Variants in SLC15A2 observed in about 807,000 individuals in gnomAD.
SLC15A2 encodes solute carrier family 15 member 2.
In SLC15A2, 77 loss-of-function variants were observed where a neutral mutation model predicts 95.5. That is an observed-to-expected ratio of 0.81 (90% CI 0.67 to 0.97). SLC15A2 has a LOEUF of 0.97. Ranked by LOEUF, SLC15A2 falls within the 50% of genes least tolerant of loss-of-function variation. The probability of loss-of-function intolerance (pLI) is 0.00; values close to 1 mark genes in which losing one functional copy is unlikely to be tolerated. For synonymous variants in SLC15A2, 306 were observed against 306.9 expected (o/e 1.00, Z 0.03); for missense variants, 893 against 874.4 (o/e 1.02, Z -0.27).
At chr3:121,913,880 T>A (rs1161821804) in intron 5 of SLC15A2, among the ~76,000 whole-genome samples, 1 of 152,168 alleles carries the variant, frequency 6.6e-6, no homozygotes, top group African/African-American at 2.4e-5. Flanking sequence ...CTCTCTTCTA[T>A]AACTGTTTAT....
At chr3:121,923,405 G>A in intron 11 of SLC15A2, 139 bp downstream of exon 11, 1 of 748,210 alleles carries the variant, frequency 1.3e-6, no homozygotes, top group Non-Finnish European at 2.2e-6. Flanking sequence ...GTACCGTGTA[G>A]GCAAAGATAA....
chr3:121,925,064 T>C (rs1300737028), intron 13 of SLC15A2, 31 bp downstream of exon 13: 1 of 1,416,608 alleles, frequency 7.1e-7, no homozygotes, highest in South Asian at 1.1e-5. Context: ...TATGGATTAC[T>C]CTAAATTGAC....
In SLC15A2 at chr3:121,927,842, G is replaced by A; in HGVS notation, c.1206+3G>A. 1 of 1,607,546 alleles carries A rather than the reference G, an allele frequency of 6.2e-7. No individual in the cohort carries two copies. The highest frequency in any genetic ancestry group is 8.5e-7 in the Non-Finnish European group (1 of 1,174,066). On this transcript the variant is annotated splice_donor_region_variant and intron_variant, in intron 14 of 21. Coordinates refer to ENST00000489711, the MANE Select transcript of SLC15A2 (RefSeq NM_021082.4). ...CAGCTGTAGAGATAAAAATAAATGT[G>A]AGTTCAGTAATTCTTAAGCTCTATG...
intron 3 of SLC15A2, among the ~76,000 whole-genome samples, chr3:121,908,650 C>A (rs1406712793): frequency 1.3e-5 from 2 of 152,258 alleles, no homozygotes; most frequent in African/African-American, 4.8e-5. Context: ...AAGCTCTCTT[C>A]CTCTGCCATC....
At chr3:121,921,801 A>G (rs1275946021) in intron 7 of SLC15A2, among the ~76,000 whole-genome samples, 1 of 152,260 alleles carries the variant, frequency 6.6e-6, no homozygotes, top group Non-Finnish European at 1.5e-5. Flanking sequence ...GTAAAGTGAA[A>G]GAGGGGGCAA....
intron 3 of SLC15A2, among the ~76,000 whole-genome samples, chr3:121,898,161 C>CAAAAAAAAA (rs60394236): frequency 7.1e-6 from 1 of 140,388 alleles, no homozygotes. Flanking sequence ...GACTCTGTCT[C>CAAAAAAAAA]AAAAAAAAAA....
At chr3:121,904,192 A>G (rs973349454) in intron 3 of SLC15A2, among the ~76,000 whole-genome samples, 1 of 152,126 alleles carries the variant, frequency 6.6e-6, no homozygotes, top group African/African-American at 2.4e-5. Flanking sequence ...ATTTTTGTAC[A>G]TTGATTTTGT....
intron 19 of SLC15A2, among the ~76,000 whole-genome samples, chr3:121,936,031 T>A (rs774528102): frequency 1.3e-5 from 2 of 152,234 alleles, no homozygotes; most frequent in South Asian, 4.1e-4. Context: ...TACCCAGTAG[T>A]CATTCAGGAG....
rs760436745 is a variant in SLC15A2, at chr3:121,897,525, T to C, written c.331T>C (p.Phe111Leu). Residue 111 changes from phenylalanine (F) to leucine (L), a missense_variant, in exon 3 of 22, where the codon TTC becomes CTC. Coordinates refer to ENST00000489711, the MANE Select transcript of SLC15A2 (RefSeq NM_021082.4). ...AAIADSWLGK[F>L]KTIIYLSLVY... ...CATTGCTGACTCGTGGTTGGGAAAA[T>C]TCAAGTAAGGAAGATGGGAGGTCAC... 2.3e-5 allele frequency: 37 copies of C among 1,613,786 alleles called. No individual in the cohort carries two copies. The highest frequency in any genetic ancestry group is 3.1e-5 in the Non-Finnish European group (36 of 1,179,958).
rs1244525791 is a variant in SLC15A2 at position 121,924,358 on chromosome 3, T to C, written c.1010T>C (p.Phe337Ser). The stretch of plus-strand genomic sequence containing the variant: ...TTTGTTAAAATGTTTCAGGGGTTTT[T>C]TGTGCTTCAGCCGGACCAGATGCAG... ...AIRMNRNLGF[F>S]VLQPDQMQVL... Residue 337 changes from phenylalanine to serine, a missense_variant, in exon 12 of 22, where the codon TTT (phenylalanine) becomes TCT (serine). Transcript: ENST00000489711. The C allele has an allele frequency of 3.1e-6, 5 of 1,613,754 alleles. No individual in the cohort carries two copies. The East Asian group carries it at 6.7e-5, about 22-fold the overall frequency.
At chr3:121,901,411 C>T (rs1172953558) in intron 3 of SLC15A2, among the ~76,000 whole-genome samples, 1 of 152,196 alleles carries the variant, frequency 6.6e-6, no homozygotes, top group Non-Finnish European at 1.5e-5. Context: ...CACCCTCAGA[C>T]CCTCAAATGT....
intron 8 of SLC15A2, 59 bp from the exon 9 acceptor site, chr3:121,922,716 G>T: frequency 7.8e-7 from 1 of 1,284,180 alleles, no homozygotes. Context: ...TAATAAGTTG[G>T]AAAAGGCAGA....
intron 14 of SLC15A2, 44 bp downstream of exon 14, chr3:121,927,883 C>A: frequency 7.0e-7 from 1 of 1,427,120 alleles, no homozygotes; most frequent in Non-Finnish European, 9.9e-7. Context: ...AGGATCATAT[C>A]TTTCTTATTT....
chr3:121,897,292 T>C, intron 2 of SLC15A2, 96 bp from the exon 3 acceptor site: 1 of 1,473,462 alleles, frequency 6.8e-7, no homozygotes, highest in Non-Finnish European at 9.2e-7. Context: ...AAAATCACAT[T>C]ATAAAGACCA....
chr3:121,917,631 T>A (rs1467317192), intron 7 of SLC15A2, among the ~76,000 whole-genome samples: 1 of 152,162 alleles, frequency 6.6e-6, no homozygotes, highest in African/African-American at 2.4e-5. Context: ...AAGGCTGCGA[T>A]GAGCCATGAT....
At chr3:121,901,845 T>TTG (rs3047583) in intron 3 of SLC15A2, among the ~76,000 whole-genome samples, 67,009 of 148,872 alleles carry the variant, frequency 0.45, 15,178 homozygotes, top group East Asian at 0.68. Context: ...GAGTATGTGT[T>TTG]TGTGTGTGTG....
chr3:121,912,199 T>C (rs1201446421), intron 4 of SLC15A2, among the ~76,000 whole-genome samples: 1 of 152,184 alleles, frequency 6.6e-6, no homozygotes, highest in African/African-American at 2.4e-5. Context: ...TGTGCCTGTG[T>C]ACATGTATTT....
intron 3 of SLC15A2, among the ~76,000 whole-genome samples, chr3:121,904,970 G>C (rs1228584006): frequency 2.0e-5 from 3 of 152,122 alleles, no homozygotes; most frequent in Non-Finnish European, 2.9e-5. Context: ...CTGTGAATCC[G>C]TCTGGTCCTG....
At chr3:121,938,535 C>T (rs188951929) in intron 19 of SLC15A2, among the ~76,000 whole-genome samples, 4 of 152,164 alleles carry the variant, frequency 2.6e-5, no homozygotes, top group East Asian at 1.9e-4. Flanking sequence ...TTCCAGGTGC[C>T]GTCTGTCACC....
Sources: allele counts gnomAD v4.1 joint callset (sites outside exome capture counted in the v4.1 genomes callset), GRCh38; gene constraint gnomAD v4.1.1; transcripts MANE v1.5; gene names NCBI Gene and HGNC (gene_info 2026-07-23, HGNC 2026-07-21).